The following THSD7B variants were observed in gnomAD, a reference collection of about 807,000 sequenced individuals.
THSD7B encodes the protein thrombospondin type-1 domain-containing protein 7B.
A neutral mutation model predicts 213.6 loss-of-function variants in THSD7B; 138 were observed. The observed-to-expected ratio is 0.65, with a 90% CI of 0.56 to 0.74. The LOEUF is 0.74. Ranked by LOEUF, THSD7B falls within the 30% of genes least tolerant of loss-of-function variation. The pLI is 0.00. For synonymous variants in THSD7B, 742 were observed against 687.0 expected, an observed-to-expected ratio of 1.08 and a Z score of -1.25; for missense variants, 1,931 against 1,991.5, an observed-to-expected ratio of 0.97 and a Z score of 0.58.
chr2:137,599,578 C>T (rs1249350850), intron 17 of THSD7B, among the ~76,000 whole-genome samples: 5 of 151,380 alleles, frequency 3.3e-5, no homozygotes, highest in African/African-American at 7.3e-5. Context: ...GTCAGTGTGG[C>T]GATTCCTCAG....
intron 1 of THSD7B, among the ~76,000 whole-genome samples, chr2:136,821,384 G>A (rs1339471680): frequency 6.6e-6 from 1 of 152,114 alleles, no homozygotes; most frequent in Non-Finnish European, 1.5e-5. Context: ...ACTCCATCCT[G>A]TGTTATAGTT....
At chr2:137,130,986 G>A (rs1442196871) in intron 5 of THSD7B, among the ~76,000 whole-genome samples, 1 of 151,354 alleles carries the variant, frequency 6.6e-6, no homozygotes, top group Non-Finnish European at 1.5e-5. Flanking sequence ...CTAGTTTACA[G>A]TCCCACCAAC....
intron 15 of THSD7B, among the ~76,000 whole-genome samples, chr2:137,487,551 T>G (rs1158083567): frequency 6.6e-6 from 1 of 151,540 alleles, no homozygotes; most frequent in Admixed American, 6.6e-5. Context: ...ATCAACAAAA[T>G]TGATAGTCCA....
At chr2:137,135,319 CATT>C (rs1679417423) in intron 5 of THSD7B, among the ~76,000 whole-genome samples, 2 of 152,262 alleles carry the variant, frequency 1.3e-5, no homozygotes, top group African/African-American at 2.4e-5. Flanking sequence ...GCCCTTATAA[CATT>C]ATTATAATGC....
intron 15 of THSD7B, among the ~76,000 whole-genome samples, chr2:137,514,289 C>G (rs938149392): frequency 6.6e-6 from 1 of 152,098 alleles, no homozygotes; most frequent in African/African-American, 2.4e-5. Flanking sequence ...TCCGGGTGGG[C>G]ACCATCTAAT....
intron 5 of THSD7B, among the ~76,000 whole-genome samples, chr2:137,157,325 C>A (rs928069606): frequency 2.6e-5 from 4 of 152,202 alleles, no homozygotes; most frequent in Non-Finnish European, 5.9e-5. Flanking sequence ...ACTTGCACTG[C>A]AGATGAGGGA....
intron 1 of THSD7B, among the ~76,000 whole-genome samples, chr2:136,829,025 G>T (rs1160647423): frequency 6.6e-6 from 1 of 152,114 alleles, no homozygotes; most frequent in Non-Finnish European, 1.5e-5. Flanking sequence ...ATTTACATCT[G>T]CATGGAACTG....
At chr2:137,112,192 G>A (rs1356136684) in intron 4 of THSD7B, among the ~76,000 whole-genome samples, 1 of 152,058 alleles carries the variant, frequency 6.6e-6, no homozygotes. Flanking sequence ...TTTCATGGCT[G>A]CCGGGATGAT....
chr2:137,544,890 T>C (rs1212177243), intron 15 of THSD7B, among the ~76,000 whole-genome samples: 1 of 151,874 alleles, frequency 6.6e-6, no homozygotes, highest in Admixed American at 6.6e-5. Context: ...TGCCTCCTCA[T>C]ACTATTATGA....
At chr2:137,314,098 G>A (rs1178055002) in intron 12 of THSD7B, among the ~76,000 whole-genome samples, 1 of 152,194 alleles carries the variant, frequency 6.6e-6, no homozygotes, top group Non-Finnish European at 1.5e-5. Context: ...ATCCTGCAGA[G>A]TGTTTTCCAA....
Position 136,796,978 on chromosome 2 carries a change from G to C in THSD7B, c.-36+31291G>C, listed in dbSNP as rs568743145. ...TGGCCAAGATAGTGATATCATATTT[G>C]ATCACACACACACACACACACACAC... is the stretch of plus-strand genomic sequence containing the variant. On this transcript the variant is annotated intron_variant, in intron 1 of 27. Coordinates refer to ENST00000409968, the MANE Select transcript of THSD7B (RefSeq NM_001316349.2). Among the ~76,000 whole-genome samples, 73 of 81,402 alleles carry C rather than the reference G, an allele frequency of 9.0e-4. 1 individual carries two copies. The highest frequency in any genetic ancestry group is 3.0e-3 in the African/African-American group (72 of 24,378). The allele number at this position is 81,402 out of a possible 152,430, so 53.4% of individuals were successfully genotyped here.
At chr2:137,377,768 A>C (rs1371849871) in intron 12 of THSD7B, among the ~76,000 whole-genome samples, 1 of 152,010 alleles carries the variant, frequency 6.6e-6, no homozygotes, top group African/African-American at 2.4e-5. Context: ...CTGCGATTAC[A>C]GGCATGAACC....
intron 4 of THSD7B, among the ~76,000 whole-genome samples, chr2:137,099,948 C>A (rs898176381): frequency 6.6e-6 from 1 of 152,092 alleles, no homozygotes; most frequent in Admixed American, 6.6e-5. Context: ...GACTAGAGAT[C>A]CTTTAAAATA....
At chr2:137,528,588 T>C (rs1358626306) in intron 15 of THSD7B, among the ~76,000 whole-genome samples, 4 of 152,090 alleles carry the variant, frequency 2.6e-5, no homozygotes, top group African/African-American at 4.8e-5. Context: ...ATCATTATCA[T>C]TAAAACTGAC....
Position 137,448,634 on chromosome 2 carries a change from A to G in THSD7B, c.2960-2211A>G, listed in dbSNP as rs368132547. ...ACCACGGTGAAACCCCATCTCTACT[A>G]AAAATACAAAAAAAATTAGCCGGGA... On this transcript the variant is annotated intron_variant, in intron 14 of 27. Transcript: ENST00000409968. 2.0e-5 allele frequency among the ~76,000 whole-genome samples: 3 copies of G among 152,090 alleles called. No homozygotes were observed. In the South Asian group the frequency reaches 6.2e-4, roughly 32 times the overall value.
At chr2:137,377,808 G>C (rs145361621) in intron 12 of THSD7B, among the ~76,000 whole-genome samples, 272 of 152,032 alleles carry the variant, frequency 1.8e-3, no homozygotes, top group African/African-American at 6.2e-3. Context: ...TGTGTCTTTA[G>C]TAGAGACAGG....
chr2:137,612,762 A>G (rs1463176538), intron 17 of THSD7B, among the ~76,000 whole-genome samples: 2 of 152,192 alleles, frequency 1.3e-5, no homozygotes, highest in Non-Finnish European at 2.9e-5. Flanking sequence ...TTGTCAGGAA[A>G]CTATCAAATC....
chr2:137,057,774 C>T (rs979135459), intron 3 of THSD7B, among the ~76,000 whole-genome samples: 8 of 152,016 alleles, frequency 5.3e-5, no homozygotes, highest in Non-Finnish European at 1.2e-4. Flanking sequence ...CTTTCTTTGG[C>T]GTTATTTTGA....
chr2:137,175,773 C>T (rs36093619), intron 7 of THSD7B, among the ~76,000 whole-genome samples: 10,565 of 152,120 alleles, frequency 0.069, 385 homozygotes, highest in African/African-American at 0.094. Context: ...ATCAAATATT[C>T]TTTAAATGTT....
Sources: allele counts gnomAD v4.1 joint callset (sites outside exome capture counted in the v4.1 genomes callset), GRCh38; gene constraint gnomAD v4.1.1; transcripts MANE v1.5; gene names NCBI Gene and HGNC (gene_info 2026-07-23, HGNC 2026-07-21).